KCNH3: variants seen among roughly 807,000 people sequenced by gnomAD.
KCNH3 encodes the protein potassium voltage-gated channel subfamily H member 3, also known as voltage-gated inwardly rectifying potassium channel KCNH3.
A neutral mutation model predicts 95.6 loss-of-function variants in KCNH3; 36 were observed. That is an observed-to-expected ratio of 0.38 (90% CI 0.29 to 0.50). The LOEUF is 0.50. Among genes scored for constraint, KCNH3 ranks in the 20% least tolerant of loss-of-function variants. The pLI, the probability that KCNH3 is intolerant of heterozygous loss-of-function variation, is 0.95. For missense variants in KCNH3, 1,030 were observed against 1,484.1 expected (o/e 0.69, Z 5.03); for synonymous variants, 620 against 646.3 (o/e 0.96, Z 0.62).
intron 2 of KCNH3, 82 bp downstream of exon 2, chr12:49,541,214 T>A: frequency 9.8e-7 from 1 of 1,016,506 alleles, no homozygotes; most frequent in Non-Finnish European, 1.5e-6. Context: ...TCCCTCCTCC[T>A]TTCTGTTGCC....
intron 7 of KCNH3, among the ~76,000 whole-genome samples, chr12:49,548,046 T>G (rs1938120540): frequency 6.6e-6 from 1 of 151,894 alleles, no homozygotes; most frequent in Non-Finnish European, 1.5e-5. Context: ...AACTTCGGGC[T>G]GAGGGGCAAT....
intron 10 of KCNH3, among the ~76,000 whole-genome samples, chr12:49,551,298 G>T (rs576198734): frequency 6.6e-6 from 1 of 152,140 alleles, no homozygotes; most frequent in African/African-American, 2.4e-5. Context: ...CTAAAGGACC[G>T]GGCGCGGTAG....
chr12:49,557,760 C>T lies in KCNH3; in HGVS notation c.3059C>T (p.Pro1020Leu), dbSNP rs771320563. ...SEPSTPASPP[P>L]SEEGARTGPA... ...CCCAGCACCCCTGCCTCCCCTCCTCCTTCTGAGGAAGGGGCTAGGACTGGG... is the reference window on the plus strand; with the variant it reads ...CCCAGCACCCCTGCCTCCCCTCCTCTTTCTGAGGAAGGGGCTAGGACTGGG... The change falls in exon 15 of 15, where the codon CCT becomes CTT. Residue 1020 changes from proline to leucine, a missense_variant. Physicochemically the swap from Pro to Leu is moderately conservative, Grantham distance 98. Around this residue, in one of 9 missense-constraint regions of KCNH3, gnomAD observed 464 missense variants for 493.2 expected, o/e 0.94. Transcript: ENST00000257981. The T allele has an allele frequency of 3.2e-5, 52 of 1,612,726 alleles. No individual in the cohort carries two copies. The highest frequency in any genetic ancestry group is 2.7e-4 in the South Asian group (25 of 90,990).
rs1938153161 is a variant in KCNH3 at position 49,548,750 on chromosome 12, G to A, written c.1190-145G>A. 3 of 750,778 alleles carry A rather than the reference G, an allele frequency of 4.0e-6. 1 individual carries two copies. Among genetic ancestry groups the A allele is most frequent in the Non-Finnish European group, 2.1e-6 (1 of 476,276 alleles). 46.5% of individuals were successfully genotyped at this position (750,778 alleles called of 1,614,324 possible). On this transcript the variant is annotated intron_variant, in intron 7 of 14. Transcript: ENST00000257981. ...CTCTTCTGAGGGTTGAGGGGGTGGA[G>A]AGGGGTGTGCTAGGCTGGCAGTGAA...
rs570153499 is a variant in KCNH3 at position 49,539,627 on chromosome 12, G to T, written c.76+135G>T. The T allele has an allele frequency of 2.5e-5, 18 of 729,744 alleles. No homozygotes were observed. The highest frequency in any genetic ancestry group is 1.4e-4 in the South Asian group (8 of 57,158). 45.2% of individuals were successfully genotyped at this position (729,744 alleles called of 1,614,324 possible). A position where few individuals can be genotyped will look rare whatever the true frequency, so the allele number is the denominator to read the frequency against. ...CTCCTCCCTACCCGCCCCTCTTGAG[G>T]CTGGGGCCATCGTCTCCTGCTAGGC... On this transcript the variant is annotated intron_variant, in intron 1 of 14. Coordinates refer to ENST00000257981, the MANE Select transcript of KCNH3 (RefSeq NM_012284.3). This position sits in a 1 kb window ranked among gnomAD's most constrained non-coding sequence, Gnocchi z 6.7.
Position 49,543,523 on chromosome 12 carries a change from G to A in KCNH3, c.823+5G>A, listed in dbSNP as rs755702734. 2 of 1,591,638 alleles carry A rather than the reference G, an allele frequency of 1.3e-6. No homozygotes were observed. Among genetic ancestry groups the A allele is most frequent in the African/African-American group, 1.3e-5 (1 of 74,880 alleles). On this transcript the variant is annotated splice_donor_5th_base_variant and intron_variant, in intron 5 of 14. Coordinates refer to ENST00000257981, the MANE Select transcript of KCNH3 (RefSeq NM_012284.3). ...TGGAGGTCCTCTTCATCCTTGGTGC[G>A]TGCACTCTGCCCCTTCCGCCCCACC...
At position 49,555,660 on chromosome 12, in the gene KCNH3, C is replaced by A. The variant is rs1327727740; in HGVS notation, c.2177C>A (p.Ser726Tyr). The part of the protein sequence containing the change: ...SSLSGDNTLM[S>Y]TLEEKETDGE... ...CTGAGCGGCGACAATACCCTTATGT[C>A]CACGCTGGAGGAGAAGGAGACAGAT... Residue 726 changes from serine to tyrosine, a missense_variant, in exon 12 of 15, where the codon TCC becomes TAC. Physicochemically the swap from Ser to Tyr is moderately radical, Grantham distance 144. Coordinates refer to ENST00000257981, the MANE Select transcript of KCNH3 (RefSeq NM_012284.3). The A allele has an allele frequency of 1.3e-6, 2 of 1,590,864 alleles. No homozygotes were observed. The highest frequency in any genetic ancestry group is 1.7e-6 in the Non-Finnish European group (2 of 1,166,494).
rs577862663 is a variant in KCNH3, at chr12:49,542,641, C to T, written c.446-65C>T. 4 of 1,503,822 alleles carry T rather than the reference C, an allele frequency of 2.7e-6. No individual in the cohort carries two copies. The African/African-American group carries it at 4.2e-5, about 16-fold the overall frequency. 93.2% of individuals were successfully genotyped at this position (1,503,822 alleles called of 1,614,324 possible). A position where few individuals can be genotyped will look rare whatever the true frequency, so the allele number is the denominator to read the frequency against. ...ATGGGCCAGCAACTGTGTCCTACAC[C>T]TGACCCGGAGCTAGGGTGTGTGGGC... On this transcript the variant is annotated intron_variant, in intron 3 of 14. Coordinates refer to ENST00000257981, the MANE Select transcript of KCNH3 (RefSeq NM_012284.3).
At position 49,558,204 on chromosome 12, in the gene KCNH3, C is replaced by T. The variant is rs1028181769; in HGVS notation, c.*251C>T. On this transcript the variant is annotated 3_prime_UTR_variant, in exon 15 of 15. Coordinates refer to ENST00000257981, the MANE Select transcript of KCNH3 (RefSeq NM_012284.3). The stretch of plus-strand genomic sequence containing the variant: ...TCCCTCTGCAGGCTGGGGGCAGAGG[C>T]CTGAGGACAAGGAAGAGCTTTGCCA... 12 of 408,394 alleles carry T rather than the reference C, an allele frequency of 2.9e-5. No individual in the cohort carries two copies. The highest frequency in any genetic ancestry group is 4.3e-5 in the Non-Finnish European group (10 of 234,322). 25.3% of individuals were successfully genotyped at this position (408,394 alleles called of 1,614,324 possible).
chr12:49,545,732 G>C (rs1024554670), intron 7 of KCNH3, among the ~76,000 whole-genome samples: 2 of 152,020 alleles, frequency 1.3e-5, no homozygotes, highest in Non-Finnish European at 2.9e-5. Flanking sequence ...AGAGTCACCA[G>C]GTGTCCAGAT....
At chr12:49,547,552 T>G (rs1166124514) in intron 7 of KCNH3, among the ~76,000 whole-genome samples, 1 of 152,208 alleles carries the variant, frequency 6.6e-6, no homozygotes, top group Non-Finnish European at 1.5e-5. Context: ...ACCTCTGAGA[T>G]GTAGTTCTGG....
At chr12:49,554,895 A>G (rs1938381245) in intron 11 of KCNH3, among the ~76,000 whole-genome samples, 1 of 152,162 alleles carries the variant, frequency 6.6e-6, no homozygotes, top group Non-Finnish European at 1.5e-5. Context: ...CCAGCTCTTC[A>G]GGTTGCTTCT....
Position 49,542,709 on chromosome 12 carries a change from G to A in KCNH3, c.449G>A (p.Gly150Asp), listed in dbSNP as rs757527519. 2 of 1,574,144 alleles carry A rather than the reference G, an allele frequency of 1.3e-6. No homozygotes were observed. The highest frequency in any genetic ancestry group is 1.7e-6 in the Non-Finnish European group (2 of 1,160,460). ...ATGGGCCCCTCTTCTTTCGCAGGTG[G>A]TGGCCGGCGCCGATATGGCCGGGCA... Reference protein sequence around the residue: ...GGPDRWKETGGGRRRYGRARS... With the variant: ...GGPDRWKETGDGRRRYGRARS... The change falls in exon 4 of 15, where the codon GGT (glycine) becomes GAT (aspartate). Residue 150 changes from glycine to aspartate, a missense_variant. Around this residue, in one of 9 missense-constraint regions of KCNH3, gnomAD observed 92 missense variants for 92.7 expected, o/e 0.99. Transcript: ENST00000257981.
At chr12:49,544,141 T>TGCCAAA in intron 6 of KCNH3, 34 bp from the exon 7 acceptor site, 12 of 1,413,310 alleles carry the variant, frequency 8.5e-6, no homozygotes, top group Non-Finnish European at 1.2e-5. Context: ...CCCGCTGACC[T>TGCCAAA]CCCTCCCTCC....
chr12:49,544,141 T>TGCCGA, intron 6 of KCNH3, 34 bp from the exon 7 acceptor site: 2 of 1,413,390 alleles, frequency 1.4e-6, no homozygotes, highest in Non-Finnish European at 1.9e-6. Context: ...CCCGCTGACC[T>TGCCGA]CCCTCCCTCC....
intron 10 of KCNH3, among the ~76,000 whole-genome samples, chr12:49,551,822 C>T (rs2138159179): frequency 6.6e-6 from 1 of 152,310 alleles, no homozygotes; most frequent in East Asian, 1.9e-4. Context: ...TCTCATTCAT[C>T]TGGCAATCCA....
intron 7 of KCNH3, among the ~76,000 whole-genome samples, chr12:49,548,176 C>T (rs369029436): frequency 1.3e-5 from 2 of 151,300 alleles, no homozygotes; most frequent in African/African-American, 4.9e-5. Context: ...GTGCTCTTGT[C>T]CACGAAAGTG....
chr12:49,550,527 G>C (rs1438753001), intron 10 of KCNH3, among the ~76,000 whole-genome samples, 198 bp downstream of exon 10: 1 of 152,186 alleles, frequency 6.6e-6, no homozygotes, highest in Admixed American at 6.5e-5. Flanking sequence ...TAAGTAGGTG[G>C]ACACGATCTC....
chr12:49,558,194 G>A lies in KCNH3; in HGVS notation c.*241G>A. ...CCTCCCGGTCTCCCTCTGCAGGCTG[G>A]GGGCAGAGGCCTGAGGACAAGGAAG... On this transcript the variant is annotated 3_prime_UTR_variant, in exon 15 of 15. Transcript: ENST00000257981. 2.4e-6 allele frequency: 1 copy of A among 415,092 alleles called. No individual in the cohort carries two copies. The highest frequency in any genetic ancestry group is 4.2e-6 in the Non-Finnish European group (1 of 239,360). The allele number at this position is 415,092 out of a possible 1,614,324, so 25.7% of individuals were successfully genotyped here. A position where few individuals can be genotyped will look rare whatever the true frequency, so the allele number is the denominator to read the frequency against.
Sources: allele counts gnomAD v4.1 joint callset (sites outside exome capture counted in the v4.1 genomes callset), GRCh38; gene constraint gnomAD v4.1.1; regional missense constraint gnomAD v4.1.1; non-coding constraint Gnocchi (gnomAD v3.1); transcripts MANE v1.5; gene names NCBI Gene and HGNC (gene_info 2026-07-23, HGNC 2026-07-21).